The following EFHC1 variants were observed in gnomAD, a reference collection of about 807,000 sequenced individuals.
EFHC1 encodes EF-hand domain-containing protein 1.
EFHC1 carries 53 observed loss-of-function variants against 69.9 expected under a neutral mutation model. That is an observed-to-expected ratio of 0.76 (90% CI 0.61 to 0.95). EFHC1 has a LOEUF of 0.95. Ranked by LOEUF, EFHC1 falls within the 40% of genes least tolerant of loss-of-function variation. The pLI is 0.00. For missense variants in EFHC1, 739 were observed against 798.7 expected (o/e 0.93, Z 0.90); for synonymous variants, 256 against 278.4 (o/e 0.92, Z 0.80).
rs1471979493 is a variant in EFHC1 at position 52,495,544 on chromosome 6, G to C, written c.*3203G>C. ...TCAGCCAAAATGGAGATTTAGGAAA[G>C]TCTCATTTAGCATCCTCTAGCCTGC... On this transcript the variant is annotated 3_prime_UTR_variant, in exon 11 of 11. Coordinates refer to ENST00000371068, the MANE Select transcript of EFHC1 (RefSeq NM_018100.4). 4.4e-6 allele frequency: 2 copies of C among 453,956 alleles called. No homozygotes were observed. Among genetic ancestry groups the C allele is most frequent in the African/African-American group, 4.0e-5 (2 of 49,990 alleles). The allele number at this position is 453,956 out of a possible 1,614,324, so 28.1% of individuals were successfully genotyped here. A position where few individuals can be genotyped will look rare whatever the true frequency, so the allele number is the denominator to read the frequency against.
rs1407733284 is a variant in EFHC1 at position 52,495,931 on chromosome 6, C to CG, written c.*3591dup. ...GCCATTTCTGTGGTGTCCAAACACT[C>CG]GCTGCTCACCTGTTTATACAAAGCA... is the stretch of plus-strand genomic sequence containing the variant. On this transcript the variant is annotated 3_prime_UTR_variant, in exon 11 of 11. Coordinates refer to ENST00000371068, the MANE Select transcript of EFHC1 (RefSeq NM_018100.4). 1.5e-5 allele frequency: 4 copies of CG among 273,176 alleles called. No homozygotes were observed. Among genetic ancestry groups the CG allele is most frequent in the African/African-American group, 2.2e-5 (1 of 45,478 alleles). 16.9% of individuals were successfully genotyped at this position (273,176 alleles called of 1,614,324 possible).
At chr6:52,459,126 A>G (rs1051937366) in intron 5 of EFHC1, among the ~76,000 whole-genome samples, 2 of 152,206 alleles carry the variant, frequency 1.3e-5, no homozygotes, top group Non-Finnish European at 2.9e-5. Context: ...TACTGTGTTC[A>G]CTATTTGGGT....
intron 7 of EFHC1, among the ~76,000 whole-genome samples, chr6:52,475,909 GAGAC>G (rs1765535790): frequency 6.6e-6 from 1 of 152,198 alleles, no homozygotes; most frequent in South Asian, 2.1e-4. Context: ...AAAATAAAAT[GAGAC>G]AGAGAATGAT....
chr6:52,453,650 A>C, intron 4 of EFHC1: 2 of 1,252,170 alleles, frequency 1.6e-6, no homozygotes, highest in Non-Finnish European at 2.0e-6. Context: ...GATTGTGTTT[A>C]TATTATTGCT....
intron 6 of EFHC1, chr6:52,469,044 G>C: frequency 2.3e-6 from 1 of 425,706 alleles, no homozygotes. Flanking sequence ...GTGGGACTAG[G>C]TCCTGCTTTT....
intron 3 of EFHC1, among the ~76,000 whole-genome samples, chr6:52,445,065 GT>G (rs60349597): frequency 1.6e-3 from 218 of 139,906 alleles, no homozygotes; most frequent in Non-Finnish European, 2.1e-3. Flanking sequence ...AGATTTTCCA[GT>G]TTTTTTTTTT....
intron 1 of EFHC1, among the ~76,000 whole-genome samples, chr6:52,422,399 A>C (rs1764209930): frequency 6.6e-6 from 1 of 152,238 alleles, no homozygotes; most frequent in Non-Finnish European, 1.5e-5. Context: ...TACCTGGAGC[A>C]GTCCCTGTCA....
At chr6:52,451,198 A>G (rs1764909716) in intron 3 of EFHC1, among the ~76,000 whole-genome samples, 1 of 152,124 alleles carries the variant, frequency 6.6e-6, no homozygotes, top group Non-Finnish European at 1.5e-5. Flanking sequence ...GCTGGTTATT[A>G]TGCTGGTTTG....
At chr6:52,471,863 G>A (rs879911495) in intron 7 of EFHC1, among the ~76,000 whole-genome samples, 14 of 151,016 alleles carry the variant, frequency 9.3e-5, no homozygotes, top group Non-Finnish European at 1.8e-4. Flanking sequence ...GCAAGACTCC[G>A]TCTAAAAATA....
chr6:52,453,236 A>T, intron 4 of EFHC1: 1 of 1,291,082 alleles, frequency 7.7e-7, no homozygotes, highest in Non-Finnish European at 1.0e-6. Flanking sequence ...GCATACATGT[A>T]GGTTGTAATG....
At chr6:52,444,202 G>T (rs1173174980) in intron 3 of EFHC1, among the ~76,000 whole-genome samples, 1 of 152,184 alleles carries the variant, frequency 6.6e-6, no homozygotes, top group Non-Finnish European at 1.5e-5. Flanking sequence ...AGAGGATAGG[G>T]TTTTCTAAAT....
chr6:52,445,591 C>T (rs1324917991), intron 3 of EFHC1, among the ~76,000 whole-genome samples: 2 of 151,972 alleles, frequency 1.3e-5, no homozygotes, highest in Non-Finnish European at 2.9e-5. Flanking sequence ...TTATTTCTTG[C>T]CTTCTGCTAG....
At position 52,492,535 on chromosome 6, in the gene EFHC1, AGGG is replaced by A. The variant is rs1290313771; in HGVS notation, c.*196_*198del. On this transcript the variant is annotated 3_prime_UTR_variant, in exon 11 of 11. Transcript: ENST00000371068. ...AGATTGGTGCCTTATTTAGGGTGAT[AGGG>A]GTATAGCAATGTCTAATTTTGTGTG... is the stretch of plus-strand genomic sequence containing the variant. 1 of 696,356 alleles carries A rather than the reference AGGG, an allele frequency of 1.4e-6. No individual in the cohort carries two copies. The highest frequency in any genetic ancestry group is 2.6e-6 in the Non-Finnish European group (1 of 385,038). 43.1% of individuals were successfully genotyped at this position (696,356 alleles called of 1,614,324 possible). A position where few individuals can be genotyped will look rare whatever the true frequency, so the allele number is the denominator to read the frequency against.
At chr6:52,432,783 TC>T (rs1211041228) in intron 2 of EFHC1, among the ~76,000 whole-genome samples, 2 of 152,148 alleles carry the variant, frequency 1.3e-5, no homozygotes, top group Admixed American at 1.3e-4. Flanking sequence ...AAATATGTTT[TC>T]CAGACTTTTA....
chr6:52,424,058 A>T lies in EFHC1; in HGVS notation c.176A>T (p.Gln59Leu), dbSNP rs761412395. ...CGGCTCCAGTTCAACCAGCTGTCCC[A>T]GGCTGAGCTGGATGAGTTGGCCAGT... ...GDRLQFNQLS[Q>L]AELDELASKA... The change falls in exon 2 of 11, where the codon CAG becomes CTG. Residue 59 changes from glutamine to leucine, a missense_variant. Coordinates refer to ENST00000371068, the MANE Select transcript of EFHC1 (RefSeq NM_018100.4). 13 of 1,614,058 alleles carry T rather than the reference A, an allele frequency of 8.1e-6. No individual in the cohort carries two copies. In the African/African-American group the frequency reaches 1.6e-4, roughly 20 times the overall value.
At chr6:52,441,023 G>T (rs906618713) in intron 3 of EFHC1, among the ~76,000 whole-genome samples, 2 of 151,720 alleles carry the variant, frequency 1.3e-5, no homozygotes, top group Non-Finnish European at 3.0e-5. Context: ...CTTATAGATG[G>T]TGCATATTGG....
At chr6:52,435,735 T>C (rs1764518570) in intron 2 of EFHC1, among the ~76,000 whole-genome samples, 1 of 152,358 alleles carries the variant, frequency 6.6e-6, no homozygotes, top group Middle Eastern at 3.4e-3. Context: ...CTTCCTCTGC[T>C]TCTGTTATTA....
intron 10 of EFHC1, 158 bp downstream of exon 10, chr6:52,490,508 T>TTAG (rs1765877502): frequency 3.0e-6 from 2 of 664,108 alleles, no homozygotes; most frequent in African/African-American, 3.6e-5. Context: ...GCCCGTTGAT[T>TTAG]CTAGCATTGG....
intron 9 of EFHC1, chr6:52,487,135 A>G (rs995213599): frequency 1.2e-4 from 19 of 152,194 alleles, no homozygotes; most frequent in African/African-American, 4.6e-4. Flanking sequence ...CAATACATAA[A>G]TGAATAGGAG....
Sources: gnomAD v4.1 joint callset for allele counts (sites outside exome capture counted in the v4.1 genomes callset) on GRCh38, gnomAD v4.1.1 for gene constraint, MANE v1.5 for transcripts, NCBI Gene and HGNC (gene_info 2026-07-23, HGNC 2026-07-21) for gene names.